DKKL1: variants seen among roughly 807,000 people sequenced by gnomAD.
The protein encoded by DKKL1 is dickkopf like acrosomal protein 1.
A neutral mutation model predicts 16.5 loss-of-function variants in DKKL1; 11 were observed. That is an observed-to-expected ratio of 0.67 (90% CI 0.42 to 1.10). The LOEUF (loss-of-function observed/expected upper bound fraction) is 1.10. DKKL1 is among the 50% of genes least tolerant of loss of function. DKKL1 has a pLI of 0.00. For synonymous variants in DKKL1, 119 were observed against 133.2 expected (o/e 0.89, Z 0.73); for missense variants, 320 against 308.1 (o/e 1.04, Z -0.29).
upstream of DKKL1, chr19:49,360,575 GGGTTTTAAA>G (rs1568584333): frequency 6.4e-6 from 1 of 156,146 alleles, no homozygotes; most frequent in Non-Finnish European, 1.4e-5. Flanking sequence ...TATGAATTAC[GGGTTTTAAA>G]GAAGACAGGA....
At chr19:49,361,031 AGGGGGGGAC>A (rs1568585349), upstream of DKKL1, among the ~76,000 whole-genome samples, 959 of 24,722 alleles carry the variant, frequency 0.039, 72 homozygotes, top group African/African-American at 0.15. Context: ...GACCAGAGGG[AGGGGGGGAC>A]AGAGACCAGA....
chr19:49,363,833 G>T, upstream of DKKL1: 1 of 989,646 alleles, frequency 1.0e-6, no homozygotes. Flanking sequence ...TCAGACAATA[G>T]GGGCGTGGCT....
Position 49,365,592 on chromosome 19 carries a change from G to T in DKKL1, c.267G>T (p.Glu89Asp). 2 of 1,613,914 alleles carry T rather than the reference G, an allele frequency of 1.2e-6. No homozygotes were observed. Among genetic ancestry groups the T allele is most frequent in the Non-Finnish European group, 1.7e-6 (2 of 1,179,924 alleles). The part of the protein sequence containing the change: ...RGLPGNYHKE[E>D]NQEHQLGNNT... ...TCCCTGGGAACTACCACAAAGAGGAGAACCAGGAGCACCAGCTGGGGAACA... is the reference window on the plus strand; with the variant it reads ...TCCCTGGGAACTACCACAAAGAGGATAACCAGGAGCACCAGCTGGGGAACA... The change falls in exon 3 of 5, where the codon GAG (glutamate) becomes GAT (aspartate). Residue 89 changes from glutamate (E) to aspartate (D), a missense_variant. Transcript: ENST00000221498.
At chr19:49,366,608 C>T (rs2146771308) in intron 4 of DKKL1, among the ~76,000 whole-genome samples, 1 of 152,146 alleles carries the variant, frequency 6.6e-6, no homozygotes, top group Admixed American at 6.5e-5. Context: ...GAGTATTTTT[C>T]AATCTATCCC....
At chr19:49,372,757 T>A (rs1302649916) in intron 4 of DKKL1, among the ~76,000 whole-genome samples, 1 of 150,634 alleles carries the variant, frequency 6.6e-6, no homozygotes, top group Non-Finnish European at 1.5e-5. Flanking sequence ...ATCCCAGCAC[T>A]TTGGGAGGCC....
intron 4 of DKKL1, among the ~76,000 whole-genome samples, chr19:49,373,385 A>G (rs1249831433): frequency 1.3e-5 from 2 of 152,060 alleles, no homozygotes; most frequent in Non-Finnish European, 2.9e-5. Flanking sequence ...ATCTTCAATG[A>G]CCCTAGTTCC....
rs1973124545 is a variant in DKKL1 at position 49,363,892 on chromosome 19, A to C, written c.-107A>C. On this transcript the variant is annotated 5_prime_UTR_variant, in exon 1 of 5. Transcript: ENST00000221498. ...GCTCTAGACCAGACCTGGGCTCGAG[A>C]CCATAACTGTTTGGCTTTAACAGTA... 2.7e-6 allele frequency: 4 copies of C among 1,487,896 alleles called. No homozygotes were observed. The African/African-American group carries it at 4.2e-5, about 16-fold the overall frequency. The allele number at this position is 1,487,896 out of a possible 1,614,324, so 92.2% of individuals were successfully genotyped here. A position where few individuals can be genotyped will look rare whatever the true frequency, so the allele number is the denominator to read the frequency against.
In DKKL1 at chr19:49,374,177, A is replaced by C. The variant is rs1304188343; in HGVS notation, c.418-540A>C. ...ATTTTTTTGTATTTTTAGTAGAGAC[A>C]GGGTTTCACCGTGTTAGCCAGGATG... On this transcript the variant is annotated intron_variant, in intron 4 of 4. Coordinates refer to ENST00000221498, the MANE Select transcript of DKKL1 (RefSeq NM_014419.4). Among the ~76,000 whole-genome samples, 8 of 152,096 alleles carry C rather than the reference A, an allele frequency of 5.3e-5. No homozygotes were observed. In the East Asian group the frequency reaches 1.6e-3, roughly 30 times the overall value.
chr19:49,367,053 G>C (rs907750666), intron 4 of DKKL1, among the ~76,000 whole-genome samples: 1 of 150,862 alleles, frequency 6.6e-6, no homozygotes, highest in African/African-American at 2.4e-5. Flanking sequence ...TTGAGATGGA[G>C]TTTCGCTCTG....
upstream of DKKL1, among the ~76,000 whole-genome samples, chr19:49,361,070 A>G (rs1373705826): frequency 1.7e-5 from 2 of 119,330 alleles, no homozygotes; most frequent in African/African-American, 6.9e-5. Context: ...AGAGACCCAG[A>G]GAGAGGGACA....
intron 4 of DKKL1, chr19:49,369,834 T>A (rs1600846368): frequency 6.6e-6 from 1 of 152,338 alleles, no homozygotes; most frequent in Non-Finnish European, 1.5e-5. Flanking sequence ...AGTAGAAGGG[T>A]GCTCGTGAAG....
intron 4 of DKKL1, among the ~76,000 whole-genome samples, chr19:49,368,488 AAAAT>A (rs1039855646): frequency 4.0e-5 from 6 of 151,154 alleles, no homozygotes; most frequent in Non-Finnish European, 7.4e-5. Context: ...TCTGTCTCAA[AAAAT>A]AAATAAATAA....
intron 4 of DKKL1, among the ~76,000 whole-genome samples, chr19:49,366,319 C>T (rs1973248945): frequency 6.6e-6 from 1 of 152,162 alleles, no homozygotes; most frequent in Non-Finnish European, 1.5e-5. Flanking sequence ...TTCTGAGCCT[C>T]AGTTTTGCCA....
upstream of DKKL1, among the ~76,000 whole-genome samples, chr19:49,361,077 G>A (rs1972861520): frequency 7.9e-6 from 1 of 126,710 alleles, no homozygotes; most frequent in Non-Finnish European, 1.6e-5. Context: ...CAGAGAGAGG[G>A]ACAGAGACCC....
intron 4 of DKKL1, among the ~76,000 whole-genome samples, chr19:49,366,653 A>G (rs140407627): frequency 6.6e-6 from 1 of 151,930 alleles, no homozygotes; most frequent in African/African-American, 2.4e-5. Context: ...TATAAACTCC[A>G]AAATGTTTTT....
At chr19:49,368,992 G>A (rs1240034494) in intron 4 of DKKL1, 1 of 152,068 alleles carries the variant, frequency 6.6e-6, no homozygotes, top group East Asian at 1.9e-4. Flanking sequence ...AGTTTTTTAA[G>A]TTGTTAGCCA....
At position 49,365,847 on chromosome 19, in the gene DKKL1, A is replaced by G. The variant is rs778424039; in HGVS notation, c.379A>G (p.Ile127Val). The G allele has an allele frequency of 6.2e-7, 1 of 1,614,174 alleles. No homozygotes were observed. Among genetic ancestry groups the G allele is most frequent in the Non-Finnish European group, 8.5e-7 (1 of 1,180,032 alleles). ...GATCTCCGAGAATGTGGTGGCATCCATTCAACCAGCGGAGGGGAGCTTCGA... is the reference window on the plus strand; with the variant it reads ...GATCTCCGAGAATGTGGTGGCATCCGTTCAACCAGCGGAGGGGAGCTTCGA... ...VLISENVVAS[I>V]QPAEGSFEGD... Residue 127 changes from isoleucine to valine, a missense_variant, in exon 4 of 5, where the codon ATT (isoleucine) becomes GTT (valine). Ile to Val is a conservative substitution (Grantham distance 29). Coordinates refer to ENST00000221498, the MANE Select transcript of DKKL1 (RefSeq NM_014419.4).
chr19:49,366,687 T>G (rs539939084), intron 4 of DKKL1, among the ~76,000 whole-genome samples: 4 of 147,574 alleles, frequency 2.7e-5, no homozygotes, highest in African/African-American at 1.0e-4. Flanking sequence ...TTTTGATTTT[T>G]GGGGTTTTTT....
intron 1 of DKKL1, 27 bp from the exon 2 acceptor site, chr19:49,364,555 G>A: frequency 6.3e-7 from 1 of 1,594,922 alleles, no homozygotes; most frequent in Non-Finnish European, 8.5e-7. Context: ...CCACTGTGCG[G>A]GGCTCTGACC....
Sources: gnomAD v4.1 joint callset for allele counts (sites outside exome capture counted in the v4.1 genomes callset) on GRCh38, gnomAD v4.1.1 for gene constraint, MANE v1.5 for transcripts, NCBI Gene and HGNC (gene_info 2026-07-23, HGNC 2026-07-21) for gene names.